RYR2: variants seen among roughly 807,000 people sequenced by gnomAD.
RYR2 encodes the protein ryanodine receptor 2.
RYR2 carries 227 observed loss-of-function variants against 601.1 expected under a neutral mutation model. That is an observed-to-expected ratio of 0.38 (90% CI 0.34 to 0.42). RYR2 has a LOEUF of 0.42. Among genes scored for constraint, RYR2 ranks in the 10% least tolerant of loss-of-function variants. The pLI, the probability that RYR2 is intolerant of heterozygous loss-of-function variation, is 1.00. For missense variants in RYR2, 4,646 were observed against 6,156.5 expected (o/e 0.75, Z 8.21); for synonymous variants, 2,223 against 2,175.1 (o/e 1.02, Z -0.61).
At chr1:237,313,957 GTTT>G (rs34046795) in intron 2 of RYR2, among the ~76,000 whole-genome samples, 60 of 91,872 alleles carry the variant, frequency 6.5e-4, no homozygotes, top group Middle Eastern at 6.0e-3. Context: ...ATTTTCAGGT[GTTT>G]TTTTTTTTTT....
intron 1 of RYR2, among the ~76,000 whole-genome samples, chr1:237,110,076 C>A (rs970767065): frequency 3.9e-5 from 6 of 151,964 alleles, no homozygotes; most frequent in Non-Finnish European, 7.4e-5. Flanking sequence ...TATGAATTTT[C>A]TTTGTGGAAT....
rs41267519 is a variant in RYR2, at chr1:237,808,889, A to G, written c.14299-12A>G. ...ATTTCTAATACCTGGTCCTTGTCAC[A>G]TTGTTTTCCAGCTCGTATTAACCGT... is the stretch of plus-strand genomic sequence containing the variant. On this transcript the variant is annotated splice_polypyrimidine_tract_variant and intron_variant, in intron 99 of 104. Coordinates refer to ENST00000366574, the MANE Select transcript of RYR2 (RefSeq NM_001035.3). 13,405 of 1,613,024 alleles carry G rather than the reference A, an allele frequency of 8.3e-3. 88 individuals carry two copies. The highest frequency in any genetic ancestry group is 0.022 in the South Asian group (1,979 of 91,026).
intron 63 of RYR2, among the ~76,000 whole-genome samples, chr1:237,698,105 AGTGTGTGTGTGTGTGTGTGTGT>A (rs3999833): frequency 1.4e-5 from 2 of 140,054 alleles, no homozygotes; most frequent in African/African-American, 2.7e-5. Context: ...AGGAGATGAT[AGTGTGTGTGTGTGTGTGTGTGT>A]GTGTGTGTGT....
chr1:237,791,168 C>T lies in RYR2; in HGVS notation c.13477-261C>T, dbSNP rs144381688. Among the ~76,000 whole-genome samples the T allele has an allele frequency of 1.3e-3, 203 of 152,322 alleles. 2 individuals carry two copies. The highest frequency in any genetic ancestry group is 4.7e-3 in the African/African-American group (194 of 41,556). Reference sequence around the variant, plus strand: ...ACCCCTATTCCCTAAGCTCCTAACCCGATGTAGTTTTCTTCTTAGCATTTA... The same window carrying T: ...ACCCCTATTCCCTAAGCTCCTAACCTGATGTAGTTTTCTTCTTAGCATTTA... On this transcript the variant is annotated intron_variant, in intron 92 of 104. Transcript: ENST00000366574.
intron 14 of RYR2, among the ~76,000 whole-genome samples, chr1:237,452,657 G>A (rs1658339566): frequency 6.7e-6 from 1 of 150,080 alleles, no homozygotes; most frequent in African/African-American, 2.4e-5. Context: ...TATTTGTTAG[G>A]TAATAATATA....
intron 24 of RYR2, among the ~76,000 whole-genome samples, chr1:237,521,391 A>G (rs1435896400): frequency 2.0e-5 from 3 of 152,156 alleles, no homozygotes; most frequent in Non-Finnish European, 2.9e-5. Flanking sequence ...TAAGGTGACC[A>G]TGTCAATCTT....
At chr1:237,771,415 TA>T (rs5781990) in intron 85 of RYR2, among the ~76,000 whole-genome samples, 13,353 of 143,118 alleles carry the variant, frequency 0.093, 1,932 homozygotes, top group African/African-American at 0.32. Context: ...TGTCTCTCAA[TA>T]AAAAAAAAAA....
chr1:237,274,234 G>A (rs544127684), intron 2 of RYR2, among the ~76,000 whole-genome samples: 3 of 150,600 alleles, frequency 2.0e-5, no homozygotes, highest in Admixed American at 1.3e-4. Flanking sequence ...TATGTATCAC[G>A]TATATACATA....
chr1:237,404,524 T>G (rs916486949), intron 10 of RYR2, among the ~76,000 whole-genome samples: 15 of 152,110 alleles, frequency 9.9e-5, no homozygotes, highest in Admixed American at 2.6e-4. Context: ...ATAAGAAACC[T>G]GGAGTAGGAC....
chr1:237,638,418 A>C lies in RYR2; in HGVS notation c.6854A>C (p.Tyr2285Ser), dbSNP rs1414027043. ...TGCCAGATGCTGGTGTCTAAGGGCT[A>C]TCCAGACATTGGGTGGAACCCAGTT... ...QSCQMLVSKG[Y>S]PDIGWNPVEG... Residue 2285 changes from tyrosine (Y) to serine (S), a missense_variant, in exon 45 of 105, where the codon TAT becomes TCT. Tyr to Ser is a moderately radical substitution (Grantham distance 144). Transcript: ENST00000366574. 6.2e-7 allele frequency: 1 copy of C among 1,613,884 alleles called. No individual in the cohort carries two copies. The highest frequency in any genetic ancestry group is 2.2e-5 in the East Asian group (1 of 44,882).
intron 95 of RYR2, among the ~76,000 whole-genome samples, chr1:237,794,555 G>A (rs554647155): frequency 1.3e-5 from 2 of 152,268 alleles, no homozygotes; most frequent in African/African-American, 4.8e-5. Flanking sequence ...ACTACTAGCT[G>A]CTGTTCTGAG....
chr1:237,133,692 C>T (rs978220477), intron 1 of RYR2, among the ~76,000 whole-genome samples: 1 of 152,044 alleles, frequency 6.6e-6, no homozygotes, highest in Non-Finnish European at 1.5e-5. Flanking sequence ...CTCACACCCG[C>T]TGACGCGGGT....
intron 80 of RYR2, among the ~76,000 whole-genome samples, chr1:237,746,658 A>G (rs1189610741): frequency 6.6e-6 from 1 of 152,140 alleles, no homozygotes; most frequent in Non-Finnish European, 1.5e-5. Context: ...ACTACTTATT[A>G]AATAACTTTA....
At chr1:237,341,550 A>C (rs1697792581) in intron 3 of RYR2, 1 of 466,938 alleles carries the variant, frequency 2.1e-6, no homozygotes, top group South Asian at 1.5e-5. Flanking sequence ...TCCTATCCCC[A>C]TTAGAGTGTA....
intron 2 of RYR2, among the ~76,000 whole-genome samples, chr1:237,272,113 G>A (rs2098503): frequency 0.034 from 5,222 of 152,208 alleles, 283 homozygotes; most frequent in African/African-American, 0.12. Flanking sequence ...CTGGGTGACA[G>A]AGCAAGATTC....
intron 39 of RYR2, among the ~76,000 whole-genome samples, chr1:237,624,477 A>G (rs1679431533): frequency 6.6e-6 from 1 of 152,218 alleles, no homozygotes; most frequent in Admixed American, 6.5e-5. Context: ...TATTGCATAG[A>G]TAAAATATGT....
Position 237,651,484 on chromosome 1 carries a change from G to T in RYR2, c.7807G>T (p.Ala2603Ser). Reference sequence around the variant, plus strand: ...TGATGTTCCATTATTAAATGAACACGCAAAGATGCCTCTTAAAGTAAGTAT... The same window carrying T: ...TGATGTTCCATTATTAAATGAACACTCAAAGATGCCTCTTAAAGTAAGTAT... ...VFDVPLLNEH[A>S]KMPLKLLTNH... The change falls in exon 51 of 105, where the codon GCA (alanine) becomes TCA (serine). Residue 2603 changes from alanine (A) to serine (S), a missense_variant. By Grantham distance (99) the Ala-to-Ser change is moderately conservative. Transcript: ENST00000366574. 6.4e-7 allele frequency: 1 copy of T among 1,565,626 alleles called. No individual in the cohort carries two copies. The highest frequency in any genetic ancestry group is 1.2e-5 in the South Asian group (1 of 85,368).
At chr1:237,117,897 A>G (rs1452142496) in intron 1 of RYR2, among the ~76,000 whole-genome samples, 1 of 152,074 alleles carries the variant, frequency 6.6e-6, no homozygotes, top group Non-Finnish European at 1.5e-5. Context: ...GGCATGCACC[A>G]CCACGCCTCA....
chr1:237,507,474 A>G (rs753408933), intron 23 of RYR2, among the ~76,000 whole-genome samples: 12 of 152,246 alleles, frequency 7.9e-5, no homozygotes, highest in Non-Finnish European at 1.6e-4. Flanking sequence ...AGTGTCCCAA[A>G]GGCCATAACA....
Sources: gnomAD v4.1 joint callset for allele counts (sites outside exome capture counted in the v4.1 genomes callset) on GRCh38, gnomAD v4.1.1 for gene constraint, MANE v1.5 for transcripts, NCBI Gene and HGNC (gene_info 2026-07-23, HGNC 2026-07-21) for gene names.